The following GRAMD2A variants were observed in gnomAD, a reference collection of about 807,000 sequenced individuals.
The protein encoded by GRAMD2A is GRAM domain containing 2A, also known as GRAM domain-containing protein 2A.
Under a neutral mutation model 51.1 loss-of-function variants are expected in GRAMD2A, and 37 were observed. The observed-to-expected ratio is 0.72, with a 90% CI of 0.56 to 0.95. The LOEUF (loss-of-function observed/expected upper bound fraction) is 0.95. GRAMD2A is among the 40% of genes least tolerant of loss of function. The probability of loss-of-function intolerance (pLI) is 0.00; values close to 1 mark genes in which losing one functional copy is unlikely to be tolerated. For missense variants in GRAMD2A, 414 were observed against 426.9 expected (o/e 0.97, Z 0.27); for synonymous variants, 136 against 157.1 (o/e 0.87, Z 1.01).
intron 1 of GRAMD2A, 133 bp downstream of exon 1, chr15:72,197,598 G>C: frequency 1.5e-6 from 1 of 672,370 alleles, no homozygotes. Context: ...CCGGCGGCCG[G>C]GAAGTGCCTG....
At chr15:72,177,812 C>T (rs1183147185) in intron 1 of GRAMD2A, among the ~76,000 whole-genome samples, 6 of 152,198 alleles carry the variant, frequency 3.9e-5, no homozygotes, top group South Asian at 2.1e-4. Flanking sequence ...ACTGCAGCCT[C>T]GACCTCCCAG....
chr15:72,189,134 G>A (rs2081752013), intron 1 of GRAMD2A, among the ~76,000 whole-genome samples: 1 of 152,138 alleles, frequency 6.6e-6, no homozygotes, highest in African/African-American at 2.4e-5. Flanking sequence ...TAAAAAGGAG[G>A]AGAAGGAGAA....
Position 72,170,130 on chromosome 15 carries a change from G to A in GRAMD2A, c.42-191C>T. On this transcript the variant is annotated intron_variant, in intron 1 of 11. Coordinates refer to ENST00000309731, the MANE Select transcript of GRAMD2A (RefSeq NM_001012642.3). This position sits in a 1 kb window ranked among gnomAD's most constrained non-coding sequence, Gnocchi z 4.5. ...AGGTTCTGGGATGGCTGACGGAGTA[G>A]GCGGGTCTCACACAGCGTCTTTCCC... 1 of 689,464 alleles carries A rather than the reference G, an allele frequency of 1.5e-6. No individual in the cohort carries two copies. The highest frequency in any genetic ancestry group is 2.7e-6 in the Non-Finnish European group (1 of 376,674). The allele number at this position is 689,464 out of a possible 1,614,324, so 42.7% of individuals were successfully genotyped here.
intron 2 of GRAMD2A, chr15:72,169,463 C>T (rs533693414): frequency 2.2e-4 from 114 of 521,046 alleles, no homozygotes; most frequent in African/African-American, 2.0e-3. Context: ...GGACTGCCCT[C>T]CCTGCCGCCT....
intron 2 of GRAMD2A, chr15:72,169,218 G>A (rs1487727361): frequency 5.8e-5 from 34 of 582,212 alleles, no homozygotes; most frequent in Non-Finnish European, 8.3e-5. Context: ...GAGAGGGGTC[G>A]CCAAGGGCCC....
intron 1 of GRAMD2A, among the ~76,000 whole-genome samples, chr15:72,191,487 CCCA>C (rs1178177339): frequency 4.6e-5 from 7 of 152,102 alleles, no homozygotes; most frequent in Admixed American, 2.6e-4. Context: ...ACAGGCAGGA[CCCA>C]CCGTGCCCAG....
At chr15:72,174,100 C>T (rs2081634473) in intron 1 of GRAMD2A, among the ~76,000 whole-genome samples, 2 of 152,228 alleles carry the variant, frequency 1.3e-5, no homozygotes, top group African/African-American at 2.4e-5. Context: ...GTAAACCTGC[C>T]GCGCTCTCAA....
chr15:72,179,556 C>T (rs780956833), intron 1 of GRAMD2A, among the ~76,000 whole-genome samples: 4 of 152,292 alleles, frequency 2.6e-5, no homozygotes, highest in East Asian at 1.9e-4. Flanking sequence ...TAGGAGAGCA[C>T]GAACTGGCTC....
Position 72,166,937 on chromosome 15 carries a change from G to C in GRAMD2A, c.471+57C>G, listed in dbSNP as rs1408938205. 7.4e-7 allele frequency: 1 copy of C among 1,351,362 alleles called. No homozygotes were observed. The highest frequency in any genetic ancestry group is 1.4e-5 in the African/African-American group (1 of 69,686). The allele number at this position is 1,351,362 out of a possible 1,614,324, so 83.7% of individuals were successfully genotyped here. A position where few individuals can be genotyped will look rare whatever the true frequency, so the allele number is the denominator to read the frequency against. On this transcript the variant is annotated intron_variant, in intron 6 of 11. Coordinates refer to ENST00000309731, the MANE Select transcript of GRAMD2A (RefSeq NM_001012642.3). The surrounding 1 kb of genome is among the most constrained non-coding windows in gnomAD (Gnocchi z 4.1). ...GGGAATGTGCCCGAGTCAGACTGTG[G>C]GCTGTCAGGGCTGGGAGCGGGAGAC...
chr15:72,197,666 G>C, intron 1 of GRAMD2A, 65 bp downstream of exon 1: 2 of 1,224,680 alleles, frequency 1.6e-6, no homozygotes, highest in Non-Finnish European at 2.1e-6. Context: ...TGCCCCGCGC[G>C]GCAGCAGCCC....
At chr15:72,169,239 G>T (rs12593082) in intron 2 of GRAMD2A, 25,584 of 567,980 alleles carry the variant, frequency 0.045, 1,268 homozygotes, top group East Asian at 0.22. Context: ...ACCTTCCCCA[G>T]TGCGGGTGAG....
Position 72,167,856 on chromosome 15 carries a change from G to A in GRAMD2A, c.269-17C>T. On this transcript the variant is annotated splice_polypyrimidine_tract_variant and intron_variant, in intron 4 of 11. Coordinates refer to ENST00000309731, the MANE Select transcript of GRAMD2A (RefSeq NM_001012642.3). Reference sequence around the variant, plus strand: ...AGGAACACACTAGGATGTCACAGGAGAGAAAATGGCCATAAGCAAGGTCAG... The same window carrying A: ...AGGAACACACTAGGATGTCACAGGAAAGAAAATGGCCATAAGCAAGGTCAG... 1 of 1,590,904 alleles carries A rather than the reference G, an allele frequency of 6.3e-7. No individual in the cohort carries two copies. The highest frequency in any genetic ancestry group is 8.6e-7 in the Non-Finnish European group (1 of 1,158,972).
intron 1 of GRAMD2A, among the ~76,000 whole-genome samples, chr15:72,171,067 G>A (rs1473346677): frequency 1.3e-5 from 2 of 152,164 alleles, no homozygotes; most frequent in African/African-American, 2.4e-5. Flanking sequence ...GGCTGTGTCC[G>A]GTCCTACAGT....
chr15:72,197,733 G>T lies in GRAMD2A; in HGVS notation c.39C>A (p.Gly13=). The part of the protein sequence containing the change: ...ALSRSEATEE[G]GNQQMHRKTA... ...GCCCCCGGGCCGCAACCCCTTACCC[G>T]CCCTCCTCGGTGGCCTCGCTCCGGC... Residue 13 remains glycine (G), a splice_region_variant and synonymous_variant, in exon 1 of 12, where the codon GGC becomes GGA. Transcript: ENST00000309731. 2.3e-6 allele frequency: 3 copies of T among 1,332,298 alleles called. No homozygotes were observed. Among genetic ancestry groups the T allele is most frequent in the South Asian group, 1.8e-5 (1 of 56,052 alleles). The allele number at this position is 1,332,298 out of a possible 1,614,324, so 82.5% of individuals were successfully genotyped here.
chr15:72,179,407 C>T (rs934166742), intron 1 of GRAMD2A, among the ~76,000 whole-genome samples: 3 of 152,122 alleles, frequency 2.0e-5, no homozygotes, highest in Non-Finnish European at 2.9e-5. Context: ...AGGGAACAGG[C>T]GAGAGAGAGC....
chr15:72,168,665 T>C, intron 3 of GRAMD2A, 99 bp from the exon 4 acceptor site: 2 of 1,012,880 alleles, frequency 2.0e-6, no homozygotes, highest in Non-Finnish European at 3.1e-6. Flanking sequence ...CCCCGGCCCA[T>C]GCTGGGGACT....
Position 72,162,278 on chromosome 15 carries a change from C to G in GRAMD2A, c.1056G>C (p.Gly352=), listed in dbSNP as rs760992201. 5.0e-6 allele frequency: 8 copies of G among 1,610,572 alleles called. No individual in the cohort carries two copies. Among genetic ancestry groups the G allele is most frequent in the Non-Finnish European group, 4.2e-6 (5 of 1,176,884 alleles). The change falls in exon 11 of 12, where the codon GGG becomes GGC. Residue 352 remains glycine (G), a synonymous_variant. Transcript: ENST00000309731. ...CSLSWDDPVP[G]HR is the part of the protein sequence containing the mutation. ...AGAAAGAGAAAAGGCCTCACCTGTG[C>G]CCAGGGACTGGGTCATCCCAACTCA... is the stretch of plus-strand genomic sequence containing the variant.
At chr15:72,181,134 T>C (rs1205820884) in intron 1 of GRAMD2A, among the ~76,000 whole-genome samples, 1 of 152,168 alleles carries the variant, frequency 6.6e-6, no homozygotes, top group Non-Finnish European at 1.5e-5. Context: ...GTGAGAAAGC[T>C]AAATAGAGCC....
chr15:72,163,799 G>A (rs745330367), intron 8 of GRAMD2A, 42 bp from the exon 9 acceptor site: 11 of 1,593,418 alleles, frequency 6.9e-6, no homozygotes, highest in East Asian at 6.7e-5. Flanking sequence ...TGGCCCTTGC[G>A]ATCTCACTTG....
Sources: gnomAD v4.1 joint callset for allele counts (sites outside exome capture counted in the v4.1 genomes callset) on GRCh38, gnomAD v4.1.1 for gene constraint, Gnocchi (gnomAD v3.1) non-coding constraint, MANE v1.5 for transcripts, NCBI Gene and HGNC (gene_info 2026-07-23, HGNC 2026-07-21) for gene names.